The following CAST variants were observed in gnomAD, a reference collection of about 807,000 sequenced individuals.
CAST encodes the protein calpastatin, also known as MIR583 host.
Under a neutral mutation model 119.6 loss-of-function variants are expected in CAST, and 76 were observed. That is an observed-to-expected ratio of 0.64 (90% confidence interval 0.53 to 0.77). CAST has a LOEUF of 0.77. Ranked by LOEUF, CAST falls within the 30% of genes least tolerant of loss-of-function variation. The pLI, the probability that CAST is intolerant of heterozygous loss-of-function variation, is 0.00. For missense variants in CAST, 953 were observed against 946.5 expected, an observed-to-expected ratio of 1.01 and a Z score of -0.09; for synonymous variants, 319 against 331.6, an observed-to-expected ratio of 0.96 and a Z score of 0.41.
At chr5:96,425,728 TAA>T in the CAST span, 55,506 of 606,956 alleles carry the variant, frequency 0.091, 130 homozygotes, top group South Asian at 0.15. Context: ...TTCTCCATCA[TAA>T]AAAAAAAAAA....
intron 1 of CAST, among the ~76,000 whole-genome samples, chr5:96,590,344 T>C (rs911096832): frequency 3.9e-5 from 6 of 152,222 alleles, no homozygotes; most frequent in Non-Finnish European, 7.3e-5. Context: ...GGGCTAAATA[T>C]TCTTTATTAC....
At chr5:96,087,451 C>T in the CAST span, among the ~76,000 whole-genome samples, 1 of 152,030 alleles carries the variant, frequency 6.6e-6, no homozygotes, top group African/African-American at 2.4e-5. Context: ...TTCATTCTTG[C>T]TTATGAAACT....
At chr5:96,523,087 C>T (rs533867026), upstream of CAST, among the ~76,000 whole-genome samples, 36 of 152,378 alleles carry the variant, frequency 2.4e-4, no homozygotes, top group African/African-American at 8.7e-4. Context: ...CAAAGGGCAG[C>T]TATGCCACCT....
At chr5:96,733,253 T>A (rs1760944349) in intron 9 of CAST, among the ~76,000 whole-genome samples, 1 of 152,216 alleles carries the variant, frequency 6.6e-6, no homozygotes. Context: ...AGCACTCTCT[T>A]GCACCAATGA....
At position 96,632,816 on chromosome 5, in the gene CAST, C is replaced by T. The variant is rs145504196; in HGVS notation, c.61-42723C>T. On this transcript the variant is annotated intron_variant, in intron 1 of 11. Coordinates refer to the CAST transcript ENST00000505143. ...TATTTCTATCTGTATGACAGTAGCA[C>T]GCTGTATTGATAGTAAGTTTTAAAT... 3.0e-3 allele frequency among the ~76,000 whole-genome samples: 464 copies of T among 152,272 alleles called. 5 individuals carry two copies. The highest frequency in any genetic ancestry group is 0.011 in the African/African-American group (446 of 41,544).
At chr5:96,275,712 A>G in the CAST span, among the ~76,000 whole-genome samples, 1 of 152,232 alleles carries the variant, frequency 6.6e-6, no homozygotes, top group Non-Finnish European at 1.5e-5. Context: ...CCTAATTTAC[A>G]TAGCCCAGCA....
chr5:96,399,478 C>G, the CAST span, among the ~76,000 whole-genome samples: 7 of 151,996 alleles, frequency 4.6e-5, no homozygotes, highest in Admixed American at 6.6e-5. Context: ...TAGAGGGAGT[C>G]TAAGTAAGTG....
chr5:96,319,725 T>C, the CAST span, among the ~76,000 whole-genome samples: 1 of 152,064 alleles, frequency 6.6e-6, no homozygotes, highest in Non-Finnish European at 1.5e-5. Flanking sequence ...AACTTCCAGA[T>C]GATATTAGGT....
the CAST span, among the ~76,000 whole-genome samples, chr5:96,221,653 G>T: frequency 6.6e-6 from 1 of 152,056 alleles, no homozygotes; most frequent in Non-Finnish European, 1.5e-5. Context: ...TGGACTAGAA[G>T]AGTCAATATC....
intron 13 of CAST, 24 bp downstream of exon 13, chr5:96,740,807 G>C (rs778772138): frequency 8.0e-6 from 12 of 1,490,720 alleles, no homozygotes; most frequent in Non-Finnish European, 1.1e-5. Context: ...CATGTCTTCT[G>C]ATCTAAATTA....
intron 3 of CAST, among the ~76,000 whole-genome samples, chr5:96,713,133 C>CTTTT (rs11406642): frequency 2.9e-5 from 4 of 136,774 alleles, no homozygotes; most frequent in Admixed American, 1.5e-4. Context: ...CAGAATTTCT[C>CTTTT]TTTTTTTTTT....
chr5:96,709,798 C>T (rs181730186), intron 3 of CAST, among the ~76,000 whole-genome samples: 2 of 152,252 alleles, frequency 1.3e-5, no homozygotes, highest in Admixed American at 1.3e-4. Flanking sequence ...AATTACTTGA[C>T]CATTTGAAAA....
At chr5:96,540,418 T>C (rs1745890945) in intron 1 of CAST, among the ~76,000 whole-genome samples, 1 of 152,122 alleles carries the variant, frequency 6.6e-6, no homozygotes, top group African/African-American at 2.4e-5. Flanking sequence ...TTATTTTTAT[T>C]CTTGCAGTAA....
intron 9 of CAST, among the ~76,000 whole-genome samples, chr5:96,734,614 T>C (rs1210189077): frequency 1.3e-5 from 2 of 152,168 alleles, no homozygotes; most frequent in African/African-American, 4.8e-5. Flanking sequence ...AGGAGGTTGG[T>C]AGCCACACGG....
At chr5:96,569,949 C>T (rs1227290219) in intron 1 of CAST, among the ~76,000 whole-genome samples, 3 of 152,206 alleles carry the variant, frequency 2.0e-5, no homozygotes, top group Admixed American at 2.0e-4. Flanking sequence ...GAAGGTGGCA[C>T]CTGGAGCTCA....
chr5:96,188,187 A>G, the CAST span, among the ~76,000 whole-genome samples: 1 of 152,210 alleles, frequency 6.6e-6, no homozygotes, highest in South Asian at 2.1e-4. Flanking sequence ...ATACAAAACC[A>G]TCTATAGAAA....
chr5:96,640,534 G>C (rs1434822907), intron 1 of CAST, among the ~76,000 whole-genome samples: 1 of 152,152 alleles, frequency 6.6e-6, no homozygotes, highest in Admixed American at 6.5e-5. Flanking sequence ...CCTGCTTCTT[G>C]CCTCTGTGAA....
the CAST span, among the ~76,000 whole-genome samples, chr5:96,498,875 G>A: frequency 7.9e-5 from 12 of 152,150 alleles, no homozygotes; most frequent in Non-Finnish European, 1.3e-4. Flanking sequence ...TACAAAGGAC[G>A]AGTTCTTTCT....
the CAST span, chr5:96,432,795 A>T: frequency 7.3e-7 from 1 of 1,366,572 alleles, no homozygotes; most frequent in African/African-American, 1.4e-5. Context: ...TCCCACTTGG[A>T]AGACCGCGCT....
Sources: allele counts gnomAD v4.1 joint callset (sites outside exome capture counted in the v4.1 genomes callset), GRCh38; gene constraint gnomAD v4.1.1; transcripts MANE v1.5; gene names NCBI Gene and HGNC (gene_info 2026-07-23, HGNC 2026-07-21).